CYLC2: variants seen among roughly 807,000 people sequenced by gnomAD.
CYLC2 encodes cylicin-2.
A neutral mutation model predicts 26.1 loss-of-function variants in CYLC2; 30 were observed. The observed-to-expected ratio is 1.15, with a 90% CI of 0.86 to 1.56. The LOEUF (loss-of-function observed/expected upper bound fraction) is 1.56, where lower values mean the gene tolerates loss of function less well. CYLC2 is among the 40% of genes most tolerant of loss of function. The pLI, the probability that CYLC2 is intolerant of heterozygous loss-of-function variation, is 0.00. For synonymous variants in CYLC2, 158 were observed against 132.8 expected, an observed-to-expected ratio of 1.19 and a Z score of -1.31; for missense variants, 498 against 394.4, an observed-to-expected ratio of 1.26 and a Z score of -2.23.
At chr9:103,008,299 A>G (rs1019649996) in intron 5 of CYLC2, among the ~76,000 whole-genome samples, 5 of 152,122 alleles carry the variant, frequency 3.3e-5, no homozygotes, top group Admixed American at 2.6e-4. Flanking sequence ...TCTTGTAGTT[A>G]AATTTAATAG....
rs961564985 is a variant in CYLC2, at chr9:103,014,540, T to C, written c.*817-2348T>C. Among the ~76,000 whole-genome samples the C allele has an allele frequency of 4.4e-4, 59 of 134,366 alleles. 1 individual carries two copies. The highest frequency in any genetic ancestry group is 1.1e-3 in the Admixed American group (15 of 13,550). 88.1% of individuals were successfully genotyped at this position (134,366 alleles called of 152,430 possible). On this transcript the variant is annotated intron_variant, in intron 6 of 7. Transcript: ENST00000374798. ...CATAATATATGCAATATACATCATA[T>C]GTATATTATGCAGTATACATCATAT...
rs564870780 is a variant in CYLC2, at chr9:103,015,568, C to T, written c.*817-1320C>T. Among the ~76,000 whole-genome samples, 730 of 142,338 alleles carry T rather than the reference C, an allele frequency of 5.1e-3. 5 individuals carry two copies. Among genetic ancestry groups the T allele is most frequent in the African/African-American group, 0.018 (689 of 39,098 alleles). The allele number at this position is 142,338 out of a possible 152,430, so 93.4% of individuals were successfully genotyped here. Reference sequence around the variant, plus strand: ...TATATATAAAATATATGTATATATACATAAAATAAATCTCCTTCAGCTAAT... The same window carrying T: ...TATATATAAAATATATGTATATATATATAAAATAAATCTCCTTCAGCTAAT... On this transcript the variant is annotated intron_variant, in intron 6 of 7. Coordinates refer to ENST00000374798, the MANE Select transcript of CYLC2 (RefSeq NM_001340.5).
chr9:103,006,949 G>T (rs796193143), intron 5 of CYLC2, among the ~76,000 whole-genome samples: 4 of 152,012 alleles, frequency 2.6e-5, no homozygotes, highest in African/African-American at 9.7e-5. Flanking sequence ...ACCATGTGAG[G>T]TGATGCTTAT....
At chr9:103,009,489 A>G (rs987468482) in intron 5 of CYLC2, among the ~76,000 whole-genome samples, 3 of 152,054 alleles carry the variant, frequency 2.0e-5, no homozygotes, top group African/African-American at 7.2e-5. Context: ...CAGGAATGGT[A>G]CTATCAGAGA....
Position 103,013,656 on chromosome 9 carries a change from ATATAT to A in CYLC2, c.*816+1567_*816+1571del, listed in dbSNP as rs1049360345. On this transcript the variant is annotated intron_variant, in intron 6 of 7. Coordinates refer to ENST00000374798, the MANE Select transcript of CYLC2 (RefSeq NM_001340.5). Reference sequence around the variant, plus strand: ...GATATATATTTATATAAAAATATAAATATATTATATTAAATAATATATATGATATA... The same window carrying A: ...GATATATATTTATATAAAAATATAAATATATTAAATAATATATATGATATA... Among the ~76,000 whole-genome samples, 309 of 112,364 alleles carry A rather than the reference ATATAT, an allele frequency of 2.7e-3. 1 individual carries two copies. The highest frequency in any genetic ancestry group is 0.011 in the African/African-American group (292 of 27,414). The allele number at this position is 112,364 out of a possible 152,430, so 73.7% of individuals were successfully genotyped here.
rs1564098458 is a variant in CYLC2, at chr9:103,006,397, G to GTTTATTTATTTATTTATTTA, written c.*700+23_*700+24insTTTATTTATTTATTTATTTA. On this transcript the variant is annotated intron_variant, in intron 5 of 7. Coordinates refer to ENST00000374798, the MANE Select transcript of CYLC2 (RefSeq NM_001340.5). Reference sequence around the variant, plus strand: ...ACACTTGGTAAGTCAGTTTTGTTTTGTTTACTTATTTATTTATTTATTTAT... The same window carrying GTTTATTTATTTATTTATTTA: ...ACACTTGGTAAGTCAGTTTTGTTTTGTTTATTTATTTATTTATTTATTTACTTATTTATTTATTTATTTAT... 2 of 125,392 alleles carry GTTTATTTATTTATTTATTTA rather than the reference G, an allele frequency of 1.6e-5. No homozygotes were observed. Among genetic ancestry groups the GTTTATTTATTTATTTATTTA allele is most frequent in the East Asian group, 6.5e-4 (2 of 3,092 alleles). The allele number at this position is 125,392 out of a possible 1,614,324, so 7.8% of individuals were successfully genotyped here. A position where few individuals can be genotyped will look rare whatever the true frequency, so the allele number is the denominator to read the frequency against.
chr9:103,006,915 T>C (rs528486221), intron 5 of CYLC2, among the ~76,000 whole-genome samples: 3 of 152,138 alleles, frequency 2.0e-5, no homozygotes, highest in Non-Finnish European at 4.4e-5. Context: ...GAATGAACAT[T>C]GTGCTCTCAT....
At chr9:103,015,919 G>T (rs1440840950) in intron 6 of CYLC2, among the ~76,000 whole-genome samples, 2 of 149,790 alleles carry the variant, frequency 1.3e-5, no homozygotes, top group East Asian at 3.9e-4. Context: ...TTCCCATTAA[G>T]GCTCAGGTCT....
chr9:103,003,716 A>G (rs1419730256), intron 3 of CYLC2, among the ~76,000 whole-genome samples: 1 of 152,060 alleles, frequency 6.6e-6, no homozygotes, highest in Non-Finnish European at 1.5e-5. Flanking sequence ...AATTGTTTCC[A>G]AGGAGCACAA....
chr9:103,005,921 A>G lies in CYLC2; in HGVS notation c.*243A>G. On this transcript the variant is annotated 3_prime_UTR_variant, in exon 5 of 8. Coordinates refer to ENST00000374798, the MANE Select transcript of CYLC2 (RefSeq NM_001340.5). Reference sequence around the variant, plus strand: ...AGACTTGAAGAATACATATACTTATATTCGGGGATATGAAGGATTCAATGA... The same window carrying G: ...AGACTTGAAGAATACATATACTTATGTTCGGGGATATGAAGGATTCAATGA... The G allele has an allele frequency of 2.3e-6, 1 of 428,352 alleles. No homozygotes were observed. The highest frequency in any genetic ancestry group is 4.1e-6 in the Non-Finnish European group (1 of 244,314). 26.5% of individuals were successfully genotyped at this position (428,352 alleles called of 1,614,324 possible).
At chr9:103,014,695 A>ACAC (rs1829473600) in intron 6 of CYLC2, among the ~76,000 whole-genome samples, 1 of 128,296 alleles carries the variant, frequency 7.8e-6, no homozygotes, top group African/African-American at 2.9e-5. Context: ...TATGTAATAT[A>ACAC]CGTATGTATA....
At position 103,004,798 on chromosome 9, in the gene CYLC2, G is replaced by C. The variant is rs1201633495; in HGVS notation, c.284G>C (p.Arg95Thr). Residue 95 changes from arginine (R) to threonine (T), a missense_variant, in exon 4 of 8, where the codon AGG becomes ACG. Arg to Thr is a moderately conservative substitution (Grantham distance 71, BLOSUM62 -1). Coordinates refer to ENST00000374798, the MANE Select transcript of CYLC2 (RefSeq NM_001340.5). ...AGACCATCTGTTTATTTAGCTGCCA[G>C]GAGGCAGCCTCTCAAACCAACTCGT... ...SERPSVYLAA[R>T]RQPLKPTRTV... 3.7e-6 allele frequency: 6 copies of C among 1,612,510 alleles called. No individual in the cohort carries two copies. The highest frequency in any genetic ancestry group is 3.4e-6 in the Non-Finnish European group (4 of 1,179,364).
At chr9:102,999,853 A>T (rs990239748) in intron 1 of CYLC2, among the ~76,000 whole-genome samples, 2 of 151,828 alleles carry the variant, frequency 1.3e-5, no homozygotes, top group African/African-American at 4.8e-5. Flanking sequence ...TATGTTTGTC[A>T]GTATGATTTT....
At position 103,005,470 on chromosome 9, in the gene CYLC2, C is replaced by T; in HGVS notation, c.839C>T (p.Thr280Ile). 9.3e-6 allele frequency: 15 copies of T among 1,613,646 alleles called. No homozygotes were observed. The highest frequency in any genetic ancestry group is 1.3e-5 in the Non-Finnish European group (15 of 1,179,900). The change falls in exon 5 of 8, where the codon ACA becomes ATA. Residue 280 changes from threonine to isoleucine, a missense_variant. By Grantham distance (89) the Thr-to-Ile change is moderately conservative (BLOSUM62 -1). Coordinates refer to ENST00000374798, the MANE Select transcript of CYLC2 (RefSeq NM_001340.5). The stretch of plus-strand genomic sequence containing the variant: ...AAAGATAAGAAGAAGCCCAGTAGTA[C>T]AGACAGTGACTCAAAGGATGATGTC... ...GKKDKKKPSSTDSDSKDDVKK... is the reference protein window; with the variant it reads ...GKKDKKKPSSIDSDSKDDVKK...
At chr9:103,017,876 A>T (rs1040763283) in intron 7 of CYLC2, among the ~76,000 whole-genome samples, 1 of 151,864 alleles carries the variant, frequency 6.6e-6, no homozygotes. Context: ...TTGTCTTCAC[A>T]TGGTCTTTCC....
At chr9:103,016,985 T>C (rs1350562723) in intron 7 of CYLC2, 24 bp downstream of exon 7, 1 of 151,974 alleles carries the variant, frequency 6.6e-6, no homozygotes, top group Non-Finnish European at 1.5e-5. Flanking sequence ...AATTTACCCT[T>C]ATGTGTAATA....
At chr9:103,015,563 A>T (rs1025578428) in intron 6 of CYLC2, among the ~76,000 whole-genome samples, 6 of 143,928 alleles carry the variant, frequency 4.2e-5, no homozygotes, top group Non-Finnish European at 7.5e-5. Flanking sequence ...ATATATGTAT[A>T]TATACATAAA....
chr9:103,011,921 TA>T (rs1187869639), intron 5 of CYLC2, 60 bp from the exon 6 acceptor site: 3 of 147,494 alleles, frequency 2.0e-5, no homozygotes, highest in Non-Finnish European at 4.5e-5. Context: ...CACAAAGTAA[TA>T]ACTTGCTAAT....
At chr9:103,004,672 T>A in intron 3 of CYLC2, 23 bp from the exon 4 acceptor site, 9 of 1,552,220 alleles carry the variant, frequency 5.8e-6, no homozygotes, top group South Asian at 1.2e-5. Flanking sequence ...AAGTTGTTCA[T>A]CATTATTGTA....
Sources: allele counts gnomAD v4.1 joint callset (sites outside exome capture counted in the v4.1 genomes callset), GRCh38; gene constraint gnomAD v4.1.1; transcripts MANE v1.5; gene names NCBI Gene and HGNC (gene_info 2026-07-23, HGNC 2026-07-21).